The following CALN1 variants were observed in gnomAD, a reference collection of about 807,000 sequenced individuals.
CALN1 encodes calneuron 1.
Under a neutral mutation model 30.6 loss-of-function variants are expected in CALN1, and 17 were observed. The observed-to-expected ratio is 0.56, with a 90% confidence interval of 0.38 to 0.83. The LOEUF is 0.83. CALN1 is among the 40% of genes least tolerant of loss of function. The pLI is 0.00. For missense variants in CALN1, 291 were observed against 354.9 expected (o/e 0.82, Z 1.45); for synonymous variants, 156 against 131.4 (o/e 1.19, Z -1.28).
chr7:72,081,442 GTTT>G (rs201808300), intron 4 of CALN1, among the ~76,000 whole-genome samples: 2 of 27,048 alleles, frequency 7.4e-5, no homozygotes, highest in Non-Finnish European at 6.9e-5. Context: ...TGGTGTGTGT[GTTT>G]TTTTTCTTTG....
intron 3 of CALN1, among the ~76,000 whole-genome samples, chr7:72,271,119 G>T (rs551121585): frequency 6.6e-6 from 1 of 152,228 alleles, no homozygotes; most frequent in Non-Finnish European, 1.5e-5. Flanking sequence ...TCCCAGAGGA[G>T]AGGCAGTTTT....
At chr7:72,273,566 GC>G (rs1409650871) in intron 3 of CALN1, among the ~76,000 whole-genome samples, 1 of 144,126 alleles carries the variant, frequency 6.9e-6, no homozygotes, top group Non-Finnish European at 1.5e-5. Context: ...AGGCTCAAGT[GC>G]AAGTGCAGTA....
intron 2 of CALN1, among the ~76,000 whole-genome samples, chr7:72,282,599 C>T (rs34547894): frequency 0.37 from 56,749 of 152,094 alleles, 11,470 homozygotes; most frequent in Middle Eastern, 0.57. Flanking sequence ...AGGCAGCATC[C>T]TGGAAGCAGA....
chr7:72,390,656 C>T (rs1562941399), intron 2 of CALN1, among the ~76,000 whole-genome samples: 1 of 152,206 alleles, frequency 6.6e-6, no homozygotes, highest in South Asian at 2.1e-4. Context: ...CAATGCCCGA[C>T]TGTGCCACTA....
At chr7:72,223,673 TG>T (rs1278928109) in intron 3 of CALN1, among the ~76,000 whole-genome samples, 37 of 152,178 alleles carry the variant, frequency 2.4e-4, no homozygotes, top group African/African-American at 8.4e-4. Flanking sequence ...TCTACCCAAT[TG>T]TTCTATTGAA....
intron 5 of CALN1, among the ~76,000 whole-genome samples, chr7:71,921,805 T>C (rs1794959316): frequency 6.6e-6 from 1 of 152,070 alleles, no homozygotes; most frequent in Non-Finnish European, 1.5e-5. Flanking sequence ...GAAAACCCTT[T>C]CTCACTGTAC....
intron 5 of CALN1, among the ~76,000 whole-genome samples, chr7:71,877,637 TA>T (rs201964687): frequency 0.022 from 3,161 of 141,814 alleles, 135 homozygotes; most frequent in South Asian, 0.18. Context: ...AAGACCTTTA[TA>T]AAAAAAAAAC....
intron 3 of CALN1, among the ~76,000 whole-genome samples, chr7:72,220,030 T>A (rs1281622901): frequency 5.9e-5 from 9 of 151,796 alleles, no homozygotes; most frequent in Non-Finnish European, 1.2e-4. Context: ...ATTTTTTTTT[T>A]ATAATTTTTT....
rs1447507044 is a variant in CALN1 at position 71,780,623 on chromosome 7, C to T, written c.*7152G>A. The T allele has an allele frequency of 6.6e-6, 1 of 151,906 alleles. No individual in the cohort carries two copies. Among genetic ancestry groups the T allele is most frequent in the African/African-American group, 2.4e-5 (1 of 41,330 alleles). The allele number at this position is 151,906 out of a possible 1,614,324, so 9.4% of individuals were successfully genotyped here. On this transcript the variant is annotated 3_prime_UTR_variant, in exon 7 of 7. Transcript: ENST00000395275. The stretch of plus-strand genomic sequence containing the variant: ...CTCACAATCACCAAAGATCACGACT[C>T]TCTTCTTTCTGGGGTATTAGGAATA...
chr7:72,211,574 G>A (rs1357821488), intron 3 of CALN1, among the ~76,000 whole-genome samples: 2 of 152,208 alleles, frequency 1.3e-5, no homozygotes, highest in Non-Finnish European at 1.5e-5. Flanking sequence ...CGATAGGTCT[G>A]TAGCAAGAAT....
intron 5 of CALN1, among the ~76,000 whole-genome samples, chr7:71,847,823 G>GAGA (rs1234023683): frequency 9.9e-6 from 1 of 100,712 alleles, no homozygotes; most frequent in African/African-American, 5.0e-5. Context: ...GAAGGAGAAG[G>GAGA]AGAAGGAGAA....
intron 2 of CALN1, among the ~76,000 whole-genome samples, chr7:72,358,575 C>A (rs539624248): frequency 6.6e-6 from 1 of 152,232 alleles, no homozygotes; most frequent in African/African-American, 2.4e-5. Context: ...AACCTGACCC[C>A]AACTTCGGAG....
At chr7:72,130,554 C>T (rs1364195731) in intron 3 of CALN1, among the ~76,000 whole-genome samples, 1 of 152,026 alleles carries the variant, frequency 6.6e-6, no homozygotes, top group Non-Finnish European at 1.5e-5. Context: ...ATGGACAAAA[C>T]CGCAATTGCT....
At chr7:72,163,796 T>C (rs1788315721) in intron 3 of CALN1, among the ~76,000 whole-genome samples, 1 of 152,080 alleles carries the variant, frequency 6.6e-6, no homozygotes, top group Non-Finnish European at 1.5e-5. Context: ...TGTGAGACAA[T>C]GAGAGATTTA....
intron 5 of CALN1, among the ~76,000 whole-genome samples, chr7:72,008,054 T>G (rs932260210): frequency 1.2e-4 from 18 of 152,248 alleles, no homozygotes; most frequent in African/African-American, 4.3e-4. Context: ...ATGATTTTAA[T>G]GTAATTTTTA....
At chr7:72,120,875 AAGG>A (rs1215681430) in intron 3 of CALN1, among the ~76,000 whole-genome samples, 5 of 151,968 alleles carry the variant, frequency 3.3e-5, no homozygotes, top group African/African-American at 9.7e-5. Context: ...GCCTGGCCCA[AAGG>A]AGGTCCCCAA....
intron 3 of CALN1, among the ~76,000 whole-genome samples, chr7:72,171,234 A>G (rs370993903): frequency 4.6e-5 from 7 of 152,170 alleles, no homozygotes; most frequent in African/African-American, 1.7e-4. Context: ...CCTAAAAGAT[A>G]AGCTGACTTC....
chr7:72,291,705 C>T (rs980212508), intron 2 of CALN1, among the ~76,000 whole-genome samples: 3 of 152,152 alleles, frequency 2.0e-5, no homozygotes, highest in Non-Finnish European at 4.4e-5. Context: ...CTCCACCTCC[C>T]GGGTTCAAGT....
At chr7:72,083,149 C>T (rs190964953) in intron 4 of CALN1, among the ~76,000 whole-genome samples, 4 of 151,882 alleles carry the variant, frequency 2.6e-5, no homozygotes, top group East Asian at 2.0e-4. Context: ...TGCAGTGAGC[C>T]GAGATCGCAC....
Sources: allele counts gnomAD v4.1 joint callset (sites outside exome capture counted in the v4.1 genomes callset), GRCh38; gene constraint gnomAD v4.1.1; transcripts MANE v1.5; gene names NCBI Gene and HGNC (gene_info 2026-07-23, HGNC 2026-07-21).